Variants in OGDHL observed in about 807,000 individuals in gnomAD.
The protein encoded by OGDHL is 2-oxoglutarate dehydrogenase-like, mitochondrial.
Under a neutral mutation model 109.6 loss-of-function variants are expected in OGDHL, and 79 were observed. The ratio of observed to expected loss-of-function variants is 0.72; its 90% confidence interval spans 0.60 to 0.87. The LOEUF is 0.87. OGDHL is among the 40% of genes least tolerant of loss of function. OGDHL has a pLI of 0.00. For missense variants in OGDHL, 1,275 were observed against 1,362.2 expected, an observed-to-expected ratio of 0.94 and a Z score of 1.01; for synonymous variants, 528 against 537.2, an observed-to-expected ratio of 0.98 and a Z score of 0.24.
chr10:49,739,550 G>T, intron 17 of OGDHL, 111 bp downstream of exon 17: 1 of 1,331,526 alleles, frequency 7.5e-7, no homozygotes, highest in Non-Finnish European at 1.0e-6. Flanking sequence ...ACGTGCTCCA[G>T]GGGCCTGGAA....
intron 7 of OGDHL, 98 bp from the exon 8 acceptor site, chr10:49,749,914 T>G (rs2133056376): frequency 4.9e-6 from 5 of 1,025,230 alleles, no homozygotes; most frequent in Middle Eastern, 2.8e-4. Flanking sequence ...ATACAGCCCC[T>G]TCGTGCCCAG....
rs371798276 is a variant in OGDHL, at chr10:49,758,546, G to T, written c.47C>A (p.Ala16Glu). 6.2e-7 allele frequency: 1 copy of T among 1,613,720 alleles called. No individual in the cohort carries two copies. The highest frequency in any genetic ancestry group is 1.3e-5 in the African/African-American group (1 of 74,926). The part of the protein sequence containing the change: ...LLPSRLGVQA[A>E]RLLAAHDVPV... ...GACGTCATGTGCAGCCAGGAGCCTC[G>T]CAGCCTGTACCCCAAGACGGGACGG... Residue 16 changes from alanine to glutamate, a missense_variant, in exon 2 of 23, where the codon GCG (alanine) becomes GAG (glutamate). Ala to Glu is a moderately radical substitution (Grantham distance 107). Coordinates refer to ENST00000374103, the MANE Select transcript of OGDHL (RefSeq NM_018245.3).
At chr10:49,738,701 T>A (rs572043255) in intron 17 of OGDHL, 1 of 190,550 alleles carries the variant, frequency 5.2e-6, no homozygotes, top group Non-Finnish European at 1.1e-5. Context: ...AAACCACCCA[T>A]GACCACACAG....
intron 6 of OGDHL, 55 bp from the exon 7 acceptor site, chr10:49,751,040 C>A: frequency 1.3e-6 from 2 of 1,495,132 alleles, no homozygotes; most frequent in Non-Finnish European, 1.8e-6. Context: ...AGGGAGGGGA[C>A]TGGGGCTCAC....
At chr10:49,742,692 G>T (rs942891927) in intron 15 of OGDHL, 136 bp downstream of exon 15, 33 of 1,183,944 alleles carry the variant, frequency 2.8e-5, no homozygotes, top group Non-Finnish European at 3.8e-5. Flanking sequence ...GTGGCCATCT[G>T]ATGATGCCAC....
rs1332629337 is a variant in OGDHL, at chr10:49,756,860, G to A, written c.291C>T (p.Ser97=). ...QPRPPSVVHE[S]RSAVSSRTKT... ...TGGTCCGACTTGAGACTGCAGACCT[G>A]CTCTCATGGACAACAGAAGGGGGCC... Residue 97 remains serine, a synonymous_variant, in exon 3 of 23, where the codon AGC becomes AGT. Transcript: ENST00000374103. The A allele has an allele frequency of 6.2e-7, 1 of 1,614,002 alleles. No homozygotes were observed. Among genetic ancestry groups the A allele is most frequent in the Non-Finnish European group, 8.5e-7 (1 of 1,180,002 alleles).
At chr10:49,742,677 G>A in intron 15 of OGDHL, 151 bp downstream of exon 15, 2 of 1,015,700 alleles carry the variant, frequency 2.0e-6, no homozygotes, top group Non-Finnish European at 2.8e-6. Flanking sequence ...TGGGGGGTCA[G>A]CGAGGTGGCC....
intron 12 of OGDHL, 41 bp downstream of exon 12, chr10:49,745,303 C>G: frequency 1.2e-6 from 2 of 1,607,480 alleles, no homozygotes; most frequent in Non-Finnish European, 1.7e-6. Flanking sequence ...GGGTCCCCAC[C>G]CAAAGTTTGT....
chr10:49,751,132 GCCC>G (rs886779588), intron 6 of OGDHL, 147 bp from the exon 7 acceptor site: 14 of 737,398 alleles, frequency 1.9e-5, no homozygotes, highest in African/African-American at 1.6e-4. Context: ...ATGGTCCAGG[GCCC>G]ACCATGGATA....
At chr10:49,739,545 C>T (rs1192446764) in intron 17 of OGDHL, 116 bp downstream of exon 17, 4 of 1,290,302 alleles carry the variant, frequency 3.1e-6, no homozygotes, top group Non-Finnish European at 4.2e-6. Context: ...GACCCACGTG[C>T]TCCAGGGGCC....
chr10:49,756,745 C>A, intron 3 of OGDHL, 31 bp downstream of exon 3: 1 of 1,591,894 alleles, frequency 6.3e-7, no homozygotes, highest in South Asian at 1.1e-5. Flanking sequence ...GCCAGTGCAG[C>A]CTCCCAGGCT....
At chr10:49,736,902 A>G (rs1392711436) in intron 20 of OGDHL, among the ~76,000 whole-genome samples, 2 of 152,138 alleles carry the variant, frequency 1.3e-5, no homozygotes, top group Non-Finnish European at 2.9e-5. Context: ...CCCACCACTA[A>G]GCAGATGTCC....
At chr10:49,747,804 T>C (rs1436870569) in intron 8 of OGDHL, among the ~76,000 whole-genome samples, 1 of 152,082 alleles carries the variant, frequency 6.6e-6, no homozygotes, top group Non-Finnish European at 1.5e-5. Context: ...ATTCCCTCAA[T>C]GTACAAAACG....
intron 20 of OGDHL, among the ~76,000 whole-genome samples, chr10:49,737,009 C>A (rs1183161638): frequency 6.6e-6 from 1 of 152,154 alleles, no homozygotes; most frequent in Non-Finnish European, 1.5e-5. Context: ...TGATCCTGAC[C>A]CCAGGTCACG....
In OGDHL at chr10:49,752,172, T is replaced by C. The variant is rs779952337; in HGVS notation, c.555A>G (p.Glu185=). The C allele has an allele frequency of 1.9e-6, 3 of 1,614,080 alleles. No homozygotes were observed. Among genetic ancestry groups the C allele is most frequent in the Non-Finnish European group, 2.5e-6 (3 of 1,180,012 alleles). Residue 185 remains glutamate (E), a synonymous_variant, in exon 5 of 23, where the codon GAA becomes GAG. Transcript: ENST00000374103. ...LPTTTFIGGS[E]NTLSLREIIR... ...TGATCTCCCGCAGAGAGAGGGTGTT[T>C]TCAGAGCCCCCAATGAAGGTGGTTG...
rs775919890 is a variant in OGDHL at position 49,736,439 on chromosome 10, G to A, written c.2672C>T (p.Thr891Met). ...CACCAGGTCATAGTACACCTTTCCC[G>A]TGCAGAAGATGAGCCGCTGCACCTG... ...PEQVQRLIFC[T>M]GKVYYDLVKE... The change falls in exon 21 of 23, where the codon ACG becomes ATG. Residue 891 changes from threonine (T) to methionine (M), a missense_variant. Transcript: ENST00000374103. 4.2e-5 allele frequency: 67 copies of A among 1,613,936 alleles called. No homozygotes were observed. Among genetic ancestry groups the A allele is most frequent in the Middle Eastern group, 1.6e-4 (1 of 6,084 alleles).
intron 16 of OGDHL, among the ~76,000 whole-genome samples, chr10:49,740,266 C>T (rs1841547590): frequency 6.6e-6 from 1 of 151,956 alleles, no homozygotes; most frequent in African/African-American, 2.4e-5. Context: ...GGAGAGCATG[C>T]ACAGGGGACA....
intron 22 of OGDHL, 49 bp downstream of exon 22, chr10:49,735,974 C>G: frequency 1.3e-6 from 2 of 1,524,766 alleles, no homozygotes; most frequent in Non-Finnish European, 1.8e-6. Flanking sequence ...GGAGCCAGGA[C>G]AGAGCCTCAG....
In OGDHL at chr10:49,746,766, A is replaced by G. The variant is rs1179010015; in HGVS notation, c.1280T>C (p.Val427Ala). The G allele has an allele frequency of 6.2e-7, 1 of 1,614,034 alleles. No homozygotes were observed. Among genetic ancestry groups the G allele is most frequent in the East Asian group, 2.2e-5 (1 of 44,902 alleles). ...PSYTTNGTVHVVVNNQIGFTT... is the reference protein window; with the variant it reads ...PSYTTNGTVHAVVNNQIGFTT... ...CATGCTCACCTGGTTGTTGACGACG[A>G]CGTGCACGGTACCATTGGTCGTGTA... Residue 427 changes from valine to alanine, a missense_variant, in exon 10 of 23, where the codon GTC becomes GCC. Val to Ala is a moderately conservative substitution (Grantham distance 64, BLOSUM62 0). Coordinates refer to ENST00000374103, the MANE Select transcript of OGDHL (RefSeq NM_018245.3).
Sources: gnomAD v4.1 joint callset for allele counts (sites outside exome capture counted in the v4.1 genomes callset) on GRCh38, gnomAD v4.1.1 for gene constraint, MANE v1.5 for transcripts, NCBI Gene and HGNC (gene_info 2026-07-23, HGNC 2026-07-21) for gene names.